The following STRBP variants were observed in gnomAD, a reference collection of about 807,000 sequenced individuals.
STRBP encodes spermatid perinuclear RNA binding protein, also known as spermatid perinuclear RNA-binding protein.
Under a neutral mutation model 80.1 loss-of-function variants are expected in STRBP, and 13 were observed. That is an observed-to-expected ratio of 0.16 (90% CI 0.11 to 0.26). The LOEUF (loss-of-function observed/expected upper bound fraction) is 0.26. Among genes scored for constraint, STRBP ranks in the 10% least tolerant of loss-of-function variants. The probability of loss-of-function intolerance (pLI) is 1.00; values close to 1 mark genes in which losing one functional copy is unlikely to be tolerated. For missense variants in STRBP, 485 were observed against 815.2 expected (o/e 0.59, Z 4.93); for synonymous variants, 284 against 291.2 (o/e 0.98, Z 0.25).
chr9:123,208,132 T>A (rs554765745), intron 2 of STRBP, among the ~76,000 whole-genome samples: 2 of 151,868 alleles, frequency 1.3e-5, no homozygotes, highest in Admixed American at 6.6e-5. Context: ...TTTTTTTTTT[T>A]AAGTGGAATG....
intron 13 of STRBP, among the ~76,000 whole-genome samples, chr9:123,146,496 AT>A (rs543338166): frequency 4.4e-4 from 67 of 151,456 alleles, no homozygotes; most frequent in African/African-American, 1.6e-3. Context: ...ATGAAAAAAA[AT>A]CAGAAGATAA....
chr9:123,245,423 T>G (rs2040780500), intron 1 of STRBP, among the ~76,000 whole-genome samples: 1 of 152,260 alleles, frequency 6.6e-6, no homozygotes, highest in African/African-American at 2.4e-5. Flanking sequence ...GTTGTCTCGC[T>G]CAGTCGCCCA....
At chr9:123,236,391 A>G (rs777634929) in intron 2 of STRBP, among the ~76,000 whole-genome samples, 2 of 152,198 alleles carry the variant, frequency 1.3e-5, no homozygotes, top group African/African-American at 2.4e-5. Flanking sequence ...TAATTTTTAA[A>G]GAGAGTAAAA....
chr9:123,242,706 C>T (rs573579673), intron 1 of STRBP, among the ~76,000 whole-genome samples: 7 of 152,272 alleles, frequency 4.6e-5, no homozygotes, highest in Admixed American at 4.6e-4. Flanking sequence ...TCCACTTCCA[C>T]AGCTCTATTA....
rs765825498 is a variant in STRBP at position 123,136,179 on chromosome 9, T to C, written c.1635A>G (p.Val545=). 1.9e-6 allele frequency: 3 copies of C among 1,614,216 alleles called. No individual in the cohort carries two copies. The highest frequency in any genetic ancestry group is 2.2e-5 in the South Asian group (2 of 91,084). The change falls in exon 16 of 19, where the codon GTA becomes GTG. Residue 545 remains valine, a splice_region_variant and synonymous_variant. Coordinates refer to ENST00000348403, the MANE Select transcript of STRBP (RefSeq NM_018387.5). The surrounding 1 kb of genome is among the most constrained non-coding windows in gnomAD (Gnocchi z 4.2). ...GSHDKRFVME[V]EVDGQKFRGA... is the part of the protein sequence containing the mutation. Reference sequence around the variant, plus strand: ...CTCTGAATTTCTGTCCATCTACTTCTACCTACAATCAAGAATAACACCTTG... The same window carrying C: ...CTCTGAATTTCTGTCCATCTACTTCCACCTACAATCAAGAATAACACCTTG...
intron 5 of STRBP, among the ~76,000 whole-genome samples, chr9:123,173,016 C>G (rs1404820982): frequency 6.6e-6 from 1 of 152,110 alleles, no homozygotes; most frequent in South Asian, 2.1e-4. Context: ...ATCACAGACT[C>G]CCAATCAGTG....
At chr9:123,209,696 C>T (rs574145122) in intron 2 of STRBP, among the ~76,000 whole-genome samples, 13 of 152,226 alleles carry the variant, frequency 8.5e-5, no homozygotes, top group African/African-American at 3.1e-4. Context: ...GAACAGAGTG[C>T]ATACATGGAA....
chr9:123,169,730 CTGAT>C (rs1436541088), intron 6 of STRBP, among the ~76,000 whole-genome samples, 168 bp downstream of exon 6: 2 of 151,944 alleles, frequency 1.3e-5, no homozygotes, highest in East Asian at 3.8e-4. Flanking sequence ...GCAAAATATA[CTGAT>C]TATGTAGAAA....
intron 3 of STRBP, 70 bp downstream of exon 3, chr9:123,184,062 T>C: frequency 2.6e-6 from 4 of 1,515,498 alleles, no homozygotes; most frequent in Non-Finnish European, 3.6e-6. Flanking sequence ...GCCCTCACTG[T>C]TAACATTTCT....
At chr9:123,154,288 C>T (rs964311180) in intron 11 of STRBP, among the ~76,000 whole-genome samples, 2 of 152,156 alleles carry the variant, frequency 1.3e-5, no homozygotes, top group African/African-American at 4.8e-5. Flanking sequence ...TGTGCAGCAA[C>T]ATAAATCAAT....
chr9:123,226,888 C>A (rs983319134), intron 2 of STRBP, among the ~76,000 whole-genome samples: 9 of 152,070 alleles, frequency 5.9e-5, no homozygotes, highest in African/African-American at 2.2e-4. Context: ...GCTCATGGTT[C>A]TAGAGTCTTG....
At chr9:123,171,538 T>G (rs1297899089) in intron 5 of STRBP, among the ~76,000 whole-genome samples, 2 of 152,106 alleles carry the variant, frequency 1.3e-5, no homozygotes, top group Admixed American at 6.6e-5. Flanking sequence ...CACACTTAAT[T>G]TCATGAATAT....
At chr9:123,185,756 A>G (rs2132470846) in intron 2 of STRBP, among the ~76,000 whole-genome samples, 1 of 152,328 alleles carries the variant, frequency 6.6e-6, no homozygotes, top group South Asian at 2.1e-4. Flanking sequence ...CTATGTGTTC[A>G]GTCAACAAGT....
chr9:123,258,464 A>G (rs74895635), intron 1 of STRBP, among the ~76,000 whole-genome samples: 2,767 of 152,282 alleles, frequency 0.018, 46 homozygotes, highest in Middle Eastern at 0.048. Context: ...AGGGTAAACA[A>G]CAAGTGCAAA....
At chr9:123,152,967 C>T (rs2037122812) in intron 11 of STRBP, among the ~76,000 whole-genome samples, 2 of 152,168 alleles carry the variant, frequency 1.3e-5, no homozygotes, top group Admixed American at 1.3e-4. Flanking sequence ...AATGGGATCT[C>T]TCCTTATCAT....
chr9:123,246,168 C>T (rs893838911), intron 1 of STRBP, among the ~76,000 whole-genome samples: 2 of 152,186 alleles, frequency 1.3e-5, no homozygotes, highest in Admixed American at 6.5e-5. Flanking sequence ...GTGACTTTCA[C>T]AAATTTAACT....
intron 2 of STRBP, among the ~76,000 whole-genome samples, chr9:123,185,715 T>C (rs940696258): frequency 2.0e-5 from 3 of 152,174 alleles, no homozygotes; most frequent in Non-Finnish European, 4.4e-5. Flanking sequence ...AGTCACTATT[T>C]AGCTGTGAAT....
At chr9:123,248,388 C>G (rs1460184691) in intron 1 of STRBP, among the ~76,000 whole-genome samples, 2 of 150,990 alleles carry the variant, frequency 1.3e-5, no homozygotes, top group African/African-American at 4.9e-5. Flanking sequence ...CTGCCTCAGG[C>G]TCCTGAGTAG....
intron 1 of STRBP, among the ~76,000 whole-genome samples, chr9:123,260,833 C>T (rs2041146187): frequency 1.3e-5 from 2 of 152,268 alleles, no homozygotes; most frequent in African/African-American, 4.8e-5. Context: ...ACTGTTTCCA[C>T]TCATATACAT....
Sources: gnomAD v4.1 joint callset for allele counts (sites outside exome capture counted in the v4.1 genomes callset) on GRCh38, gnomAD v4.1.1 for gene constraint, Gnocchi (gnomAD v3.1) non-coding constraint, MANE v1.5 for transcripts, NCBI Gene and HGNC (gene_info 2026-07-23, HGNC 2026-07-21) for gene names.